The following ZNF385D variants were observed in gnomAD, a reference collection of about 807,000 sequenced individuals.
ZNF385D encodes the protein zinc finger protein 385D.
ZNF385D carries 15 observed loss-of-function variants against 35.8 expected under a neutral mutation model. The ratio of observed to expected loss-of-function variants is 0.42; its 90% CI spans 0.28 to 0.64. The LOEUF is 0.64. Ranked by LOEUF, ZNF385D falls within the 30% of genes least tolerant of loss-of-function variation. The probability of loss-of-function intolerance (pLI) is 0.23; values close to 1 mark genes in which losing one functional copy is unlikely to be tolerated. For missense variants in ZNF385D, 474 were observed against 494.6 expected, an observed-to-expected ratio of 0.96 and a Z score of 0.39; for synonymous variants, 212 against 186.8, an observed-to-expected ratio of 1.13 and a Z score of -1.10.
At chr3:22,241,427 T>A (rs1277648459) in intron 2 of ZNF385D, among the ~76,000 whole-genome samples, 2 of 151,278 alleles carry the variant, frequency 1.3e-5, no homozygotes, top group Non-Finnish European at 2.9e-5. Context: ...CACCTTTACC[T>A]GTATTTGTTT....
intron 3 of ZNF385D, among the ~76,000 whole-genome samples, chr3:21,820,445 G>A (rs953769266): frequency 4.0e-5 from 6 of 151,710 alleles, no homozygotes; most frequent in Non-Finnish European, 8.9e-5. Flanking sequence ...CAATAGTTAA[G>A]GGGTACAACA....
intron 3 of ZNF385D, among the ~76,000 whole-genome samples, chr3:22,007,236 A>T (rs1327591034): frequency 6.6e-6 from 1 of 152,214 alleles, no homozygotes; most frequent in Non-Finnish European, 1.5e-5. Flanking sequence ...TCTTTTGTAA[A>T]AATAAGCAAT....
At chr3:21,517,339 A>G (rs946603340) in intron 3 of ZNF385D, among the ~76,000 whole-genome samples, 2 of 152,078 alleles carry the variant, frequency 1.3e-5, no homozygotes, top group African/African-American at 4.8e-5. Context: ...GGGTCGTAGA[A>G]ACAGAAAAGA....
chr3:21,443,120 C>T (rs1701952338), intron 4 of ZNF385D: 3 of 985,274 alleles, frequency 3.0e-6, no homozygotes, highest in Non-Finnish European at 3.6e-6. Flanking sequence ...AATCCCAAAG[C>T]CACCAAATGA....
At chr3:22,358,385 G>C (rs1024495078) in intron 2 of ZNF385D, among the ~76,000 whole-genome samples, 2 of 152,008 alleles carry the variant, frequency 1.3e-5, no homozygotes, top group East Asian at 3.9e-4. Context: ...AAGGAAGACA[G>C]CTTCATTTTT....
Position 22,070,509 on chromosome 3 carries a change from A to T in ZNF385D, c.325+98308T>A, listed in dbSNP as rs1253004675. 2.0e-5 allele frequency among the ~76,000 whole-genome samples: 3 copies of T among 152,142 alleles called. No homozygotes were observed. The East Asian group carries it at 5.8e-4, about 29-fold the overall frequency. On this transcript the variant is annotated intron_variant, in intron 3 of 5. Coordinates refer to the ZNF385D transcript ENST00000494108. ...TTCATTATCTCAAATTTCACTTAGG[A>T]AAGTGAAATAGGTTTCTATGAAAGT... is the stretch of plus-strand genomic sequence containing the variant.
At chr3:21,636,413 T>TATATATAG (rs771464149) in intron 2 of ZNF385D, among the ~76,000 whole-genome samples, 3 of 25,634 alleles carry the variant, frequency 1.2e-4, no homozygotes, top group African/African-American at 3.9e-4. Context: ...TATATATATA[T>TATATATAG]AGAGTTTCTT....
At chr3:22,300,150 T>C (rs902626792) in intron 2 of ZNF385D, among the ~76,000 whole-genome samples, 6 of 151,848 alleles carry the variant, frequency 4.0e-5, no homozygotes, top group South Asian at 2.1e-4. Context: ...CAGAAATTCA[T>C]GCATTTAAGG....
At chr3:21,902,597 G>A (rs956408103) in intron 3 of ZNF385D, among the ~76,000 whole-genome samples, 6 of 151,982 alleles carry the variant, frequency 3.9e-5, no homozygotes, top group South Asian at 2.1e-4. Flanking sequence ...GAAATTAATC[G>A]GTCTTTTTAA....
At chr3:21,752,007 A>ACCCCC (rs71044940), upstream of ZNF385D, among the ~76,000 whole-genome samples, 45 of 88,536 alleles carry the variant, frequency 5.1e-4, no homozygotes, top group Non-Finnish European at 6.3e-4. Flanking sequence ...ACACACACCC[A>ACCCCC]CCCCCCTCCC....
intron 3 of ZNF385D, among the ~76,000 whole-genome samples, chr3:21,956,526 T>C (rs1702298782): frequency 6.6e-6 from 1 of 151,988 alleles, no homozygotes; most frequent in Non-Finnish European, 1.5e-5. Context: ...AAAAACTAAA[T>C]ACTTTGCATT....
intron 2 of ZNF385D, among the ~76,000 whole-genome samples, chr3:22,227,925 T>C (rs954286668): frequency 6.6e-6 from 1 of 152,194 alleles, no homozygotes; most frequent in Non-Finnish European, 1.5e-5. Flanking sequence ...GCTGGTGCTG[T>C]ACACTGCCAC....
chr3:21,865,308 G>C (rs1463684324), intron 3 of ZNF385D, among the ~76,000 whole-genome samples: 1 of 151,844 alleles, frequency 6.6e-6, no homozygotes, highest in African/African-American at 2.4e-5. Context: ...TTTCATGCTA[G>C]TTTTGTTTAG....
chr3:21,713,319 T>G (rs1025786757), intron 1 of ZNF385D, among the ~76,000 whole-genome samples: 1 of 152,194 alleles, frequency 6.6e-6, no homozygotes. Context: ...AGCCCAAACT[T>G]GAGTGCTCTG....
At position 22,142,321 on chromosome 3, in the gene ZNF385D, T is replaced by G. The variant is rs185322463; in HGVS notation, c.325+26496A>C. On this transcript the variant is annotated intron_variant, in intron 3 of 5. Transcript: ENST00000494108. ...TAGATTTTGGGAGATTCATTTCAAA[T>G]TCAACAATTGTTATTTCTTTGGTTT... Among the ~76,000 whole-genome samples, 3 of 152,322 alleles carry G rather than the reference T, an allele frequency of 2.0e-5. No homozygotes were observed. In the East Asian group the frequency reaches 5.8e-4, roughly 29 times the overall value.
At chr3:22,076,169 T>G (rs141671449) in intron 3 of ZNF385D, among the ~76,000 whole-genome samples, 68 of 152,054 alleles carry the variant, frequency 4.5e-4, no homozygotes, top group Non-Finnish European at 7.1e-4. Context: ...AAGAATCATT[T>G]GCAAATCTAC....
chr3:21,960,747 C>G (rs961628330), intron 3 of ZNF385D, among the ~76,000 whole-genome samples: 1 of 152,006 alleles, frequency 6.6e-6, no homozygotes, highest in African/African-American at 2.4e-5. Flanking sequence ...CAATGGAATA[C>G]TATCCAGCCA....
chr3:22,224,819 C>A (rs943281770), intron 2 of ZNF385D, among the ~76,000 whole-genome samples: 2 of 152,164 alleles, frequency 1.3e-5, no homozygotes, highest in Non-Finnish European at 2.9e-5. Flanking sequence ...CTGCTCCCTG[C>A]GTGGGGCACC....
At chr3:21,596,959 C>G (rs1343545529) in intron 2 of ZNF385D, among the ~76,000 whole-genome samples, 1 of 151,898 alleles carries the variant, frequency 6.6e-6, no homozygotes, top group Non-Finnish European at 1.5e-5. Flanking sequence ...CTAATTCAGC[C>G]TAAGAATGCA....
Sources: gnomAD v4.1 joint callset for allele counts (sites outside exome capture counted in the v4.1 genomes callset) on GRCh38, gnomAD v4.1.1 for gene constraint, MANE v1.5 for transcripts, NCBI Gene and HGNC (gene_info 2026-07-23, HGNC 2026-07-21) for gene names.